Variants in QTMAN observed in about 807,000 individuals in gnomAD.
The protein encoded by QTMAN is queuosine-tRNA mannosyltransferase, also known as tRNA-queuosine alpha-mannosyltransferase.
the QTMAN span, among the ~76,000 whole-genome samples, chr2:144,184,565 T>C: frequency 5.9e-5 from 9 of 152,148 alleles, no homozygotes; most frequent in Non-Finnish European, 8.8e-5. Flanking sequence ...GTAATGAGAG[T>C]GGAAAAATGG....
chr2:144,002,992 T>A, the QTMAN span, among the ~76,000 whole-genome samples: 13 of 151,994 alleles, frequency 8.6e-5, no homozygotes, highest in Admixed American at 7.9e-4. Flanking sequence ...ATAGATTTTT[T>A]AAAATGTAAT....
chr2:144,251,348 A>C, the QTMAN span, among the ~76,000 whole-genome samples: 1 of 152,196 alleles, frequency 6.6e-6, no homozygotes. Flanking sequence ...ATGGAACAGA[A>C]GAGAGAGCTC....
chr2:144,002,821 A>G, the QTMAN span, among the ~76,000 whole-genome samples: 14 of 151,962 alleles, frequency 9.2e-5, no homozygotes, highest in Admixed American at 4.6e-4. Context: ...TCAAAGAAGA[A>G]TATCTACAAT....
the QTMAN span, chr2:144,211,521 T>C: frequency 6.6e-6 from 1 of 152,638 alleles, no homozygotes; most frequent in Non-Finnish European, 1.5e-5. Context: ...TTACTTCTAT[T>C]GCAACTTTTG....
chr2:144,064,557 TGAG>T, the QTMAN span, among the ~76,000 whole-genome samples: 3 of 152,224 alleles, frequency 2.0e-5, no homozygotes, highest in South Asian at 2.1e-4. Flanking sequence ...AACCTGCGTT[TGAG>T]GAGAACTCAA....
the QTMAN span, among the ~76,000 whole-genome samples, chr2:144,078,121 T>C: frequency 1.3e-5 from 2 of 152,250 alleles, no homozygotes; most frequent in African/African-American, 2.4e-5. Context: ...CTAAACAGCC[T>C]ACTGCATTCA....
the QTMAN span, among the ~76,000 whole-genome samples, chr2:144,250,360 T>C: frequency 6.6e-6 from 1 of 152,006 alleles, no homozygotes; most frequent in Admixed American, 6.6e-5. Context: ...ACCAGGCTGG[T>C]CTTGCACTCC....
chr2:144,085,392 G>C, the QTMAN span, among the ~76,000 whole-genome samples: 2 of 152,188 alleles, frequency 1.3e-5, no homozygotes, highest in Non-Finnish European at 2.9e-5. Flanking sequence ...GTCACAACCA[G>C]GCTCTTTGGA....
At chr2:144,047,947 G>A in the QTMAN span, among the ~76,000 whole-genome samples, 3 of 152,180 alleles carry the variant, frequency 2.0e-5, no homozygotes, top group Admixed American at 6.5e-5. Flanking sequence ...ATCATTCTTT[G>A]CCATTTGATT....
At chr2:144,273,593 T>A in the QTMAN span, among the ~76,000 whole-genome samples, 4 of 152,288 alleles carry the variant, frequency 2.6e-5, no homozygotes, top group African/African-American at 9.6e-5. Flanking sequence ...CTCTAAGGAC[T>A]GGTCTTATAT....
the QTMAN span, among the ~76,000 whole-genome samples, chr2:144,324,924 C>T: frequency 6.6e-6 from 1 of 151,394 alleles, no homozygotes; most frequent in African/African-American, 2.4e-5. Context: ...TATACAATAG[C>T]TTTCAGATGC....
chr2:144,172,494 C>T, the QTMAN span, among the ~76,000 whole-genome samples: 3 of 151,622 alleles, frequency 2.0e-5, no homozygotes, highest in Admixed American at 2.0e-4. Flanking sequence ...CATAGTGGCA[C>T]ACACCTATTA....
At chr2:144,018,803 T>C in the QTMAN span, among the ~76,000 whole-genome samples, 1 of 152,192 alleles carries the variant, frequency 6.6e-6, no homozygotes, top group Admixed American at 6.5e-5. Flanking sequence ...TATAATGTGG[T>C]AGGTGCTTCA....
the QTMAN span, among the ~76,000 whole-genome samples, chr2:144,018,862 G>T: frequency 7.9e-5 from 12 of 152,046 alleles, no homozygotes; most frequent in Non-Finnish European, 1.0e-4. Flanking sequence ...CCCTAGAAAG[G>T]GAGTTAGTGC....
At chr2:144,113,856 T>C in the QTMAN span, among the ~76,000 whole-genome samples, 7 of 152,248 alleles carry the variant, frequency 4.6e-5, no homozygotes, top group Non-Finnish European at 8.8e-5. Context: ...ACTTTTTCTT[T>C]AAATAAAAAT....
At chr2:143,970,518 A>G in the QTMAN span, 5 of 665,692 alleles carry the variant, frequency 7.5e-6, no homozygotes, top group Non-Finnish European at 1.4e-5. Flanking sequence ...TCAGACTTTA[A>G]TGCCATCGTA....
chr2:143,953,066 C>T, the QTMAN span, among the ~76,000 whole-genome samples: 37 of 151,868 alleles, frequency 2.4e-4, no homozygotes, highest in African/African-American at 7.5e-4. Flanking sequence ...ATGTTTTGTT[C>T]ACTGAATTAA....
the QTMAN span, among the ~76,000 whole-genome samples, chr2:144,022,358 C>G: frequency 5.3e-5 from 8 of 151,784 alleles, no homozygotes; most frequent in African/African-American, 1.7e-4. Context: ...GGTATGATCA[C>G]AGCTCAATGA....
At chr2:144,169,466 A>G in the QTMAN span, among the ~76,000 whole-genome samples, 1 of 152,154 alleles carries the variant, frequency 6.6e-6, no homozygotes, top group Non-Finnish European at 1.5e-5. Context: ...TCCAGATATC[A>G]GATCATTTCA....
Sources: allele counts gnomAD v4.1 joint callset (sites outside exome capture counted in the v4.1 genomes callset), GRCh38; gene constraint gnomAD v4.1.1; transcripts MANE v1.5; gene names NCBI Gene and HGNC (gene_info 2026-07-23, HGNC 2026-07-21).